SMIM5: variants seen among roughly 807,000 people sequenced by gnomAD.
SMIM5 encodes chromosome 17 open reading frame 109.
SMIM5 carries 4 observed loss-of-function variants against 4.0 expected under a neutral mutation model. The ratio of observed to expected loss-of-function variants is 1.01; its 90% CI spans 0.50 to 2.30. The LOEUF is 2.30. Among genes scored for constraint, SMIM5 ranks in the 30% most tolerant of loss-of-function variants. SMIM5 has a pLI of 0.02. For missense variants in SMIM5, 107 were observed against 99.2 expected, an observed-to-expected ratio of 1.08 and a Z score of -0.34; for synonymous variants, 46 against 43.6, an observed-to-expected ratio of 1.05 and a Z score of -0.22.
chr17:75,633,447 G>GAA lies in SMIM5; in HGVS notation c.-791_-790dup. On this transcript the variant is annotated 5_prime_UTR_variant, in exon 1 of 3. Coordinates refer to ENST00000375215, the MANE Select transcript of SMIM5 (RefSeq NM_001162995.3). ...CAGGAGTGCGGTCACAGCCCCAGCAGAAGGCCCTCACCTCACAAGGAACAT... is the reference window on the plus strand; with the variant it reads ...CAGGAGTGCGGTCACAGCCCCAGCAGAAAAGGCCCTCACCTCACAAGGAACAT... 1 of 1,289,078 alleles carries GAA rather than the reference G, an allele frequency of 7.8e-7. No homozygotes were observed. The highest frequency in any genetic ancestry group is 1.0e-6 in the Non-Finnish European group (1 of 988,572). 79.9% of individuals were successfully genotyped at this position (1,289,078 alleles called of 1,614,324 possible).
In SMIM5 at chr17:75,640,022, A is replaced by G; in HGVS notation, c.-36-144A>G. On this transcript the variant is annotated intron_variant, in intron 1 of 2. Transcript: ENST00000375215. This position sits in a 1 kb window ranked among gnomAD's most constrained non-coding sequence, Gnocchi z 4.6. Reference sequence around the variant, plus strand: ...TGGGTGGGGACTGAGGGCCACCACTAGGTGGAAGTCACCAGGGGTGCAATG... The same window carrying G: ...TGGGTGGGGACTGAGGGCCACCACTGGGTGGAAGTCACCAGGGGTGCAATG... The G allele has an allele frequency of 1.2e-6, 1 of 810,618 alleles. No homozygotes were observed. The highest frequency in any genetic ancestry group is 1.8e-6 in the Non-Finnish European group (1 of 542,124). The allele number at this position is 810,618 out of a possible 1,614,324, so 50.2% of individuals were successfully genotyped here.
rs1256127063 is a variant in SMIM5, at chr17:75,636,020, C to T, written c.-37+1818C>T. ...ATCCCTCCGGCTCTGCCAGCCTTCT[C>T]TGCCCTGAGTGTTTCCCCTGTGCTG... On this transcript the variant is annotated intron_variant, in intron 1 of 2. Coordinates refer to ENST00000375215, the MANE Select transcript of SMIM5 (RefSeq NM_001162995.3). The surrounding 1 kb of genome is among the most constrained non-coding windows in gnomAD (Gnocchi z 5.4). 1.3e-5 allele frequency among the ~76,000 whole-genome samples: 2 copies of T among 152,254 alleles called. No homozygotes were observed. The highest frequency in any genetic ancestry group is 2.9e-5 in the Non-Finnish European group (2 of 68,038).
chr17:75,639,987 CTG>C (rs2059403401), intron 1 of SMIM5, 177 bp from the exon 2 acceptor site: 1 of 597,930 alleles, frequency 1.7e-6, no homozygotes, highest in African/African-American at 1.9e-5. Flanking sequence ...CCACCCTGAG[CTG>C]TGTCAGCTGG....
Position 75,640,791 on chromosome 17 carries a change from C to A in SMIM5, c.128C>A (p.Ala43Asp), listed in dbSNP as rs1012899518. Reference protein sequence around the residue: ...VAFSVIILFTATVLLLLLIAC... With the variant: ...VAFSVIILFTDTVLLLLLIAC... ...CCCGTGCTCTCTCCCGGCCCTCCAG[C>A]TACTGTTCTGCTGTTGCTGCTGATA... Residue 43 changes from alanine to aspartate, a missense_variant and splice_region_variant, in exon 3 of 3, where the codon GCT becomes GAT. Physicochemically the swap from Ala to Asp is moderately radical, Grantham distance 126. Transcript: ENST00000375215. This position sits in a 1 kb window ranked among gnomAD's most constrained non-coding sequence, Gnocchi z 4.6. 16 of 1,549,950 alleles carry A rather than the reference C, an allele frequency of 1.0e-5. No individual in the cohort carries two copies. The highest frequency in any genetic ancestry group is 2.0e-5 in the Admixed American group (1 of 50,984).
chr17:75,637,123 T>G (rs1368883838), intron 1 of SMIM5: 1 of 152,316 alleles, frequency 6.6e-6, no homozygotes, highest in Non-Finnish European at 1.5e-5. Context: ...CCTGCACCAG[T>G]AAATTCAGCC....
Position 75,640,931 on chromosome 17 carries a change from G to A in SMIM5, c.*34G>A. 1 of 1,537,076 alleles carries A rather than the reference G, an allele frequency of 6.5e-7. No individual in the cohort carries two copies. Among genetic ancestry groups the A allele is most frequent in the Non-Finnish European group, 8.7e-7 (1 of 1,145,410 alleles). ...CGATGGCTGAGGAGAAGCTGGAGAG[G>A]AGATGGCCAATGCCATGACACAGGC... On this transcript the variant is annotated 3_prime_UTR_variant, in exon 3 of 3. Coordinates refer to ENST00000375215, the MANE Select transcript of SMIM5 (RefSeq NM_001162995.3). This position sits in a 1 kb window ranked among gnomAD's most constrained non-coding sequence, Gnocchi z 4.6.
At position 75,640,040 on chromosome 17, in the gene SMIM5, G is replaced by A. The variant is rs1210593388; in HGVS notation, c.-36-126G>A. The A allele has an allele frequency of 8.0e-6, 8 of 1,003,936 alleles. No homozygotes were observed. The highest frequency in any genetic ancestry group is 3.3e-5 in the African/African-American group (2 of 60,788). 62.2% of individuals were successfully genotyped at this position (1,003,936 alleles called of 1,614,324 possible). ...CACCACTAGGTGGAAGTCACCAGGGGTGCAATGTGTGAGACCTGACAAACT... is the reference window on the plus strand; with the variant it reads ...CACCACTAGGTGGAAGTCACCAGGGATGCAATGTGTGAGACCTGACAAACT... On this transcript the variant is annotated intron_variant, in intron 1 of 2. Coordinates refer to ENST00000375215, the MANE Select transcript of SMIM5 (RefSeq NM_001162995.3). The surrounding 1 kb of genome is among the most constrained non-coding windows in gnomAD (Gnocchi z 4.6).
Position 75,640,401 on chromosome 17 carries a change from AG to A in SMIM5, c.127+76del. 6.9e-7 allele frequency: 1 copy of A among 1,455,642 alleles called. No homozygotes were observed. Among genetic ancestry groups the A allele is most frequent in the Non-Finnish European group, 9.1e-7 (1 of 1,099,682 alleles). The allele number at this position is 1,455,642 out of a possible 1,614,324, so 90.2% of individuals were successfully genotyped here. On this transcript the variant is annotated intron_variant, in intron 2 of 2. Transcript: ENST00000375215. This position sits in a 1 kb window ranked among gnomAD's most constrained non-coding sequence, Gnocchi z 4.6. ...GAGACCACACCATGGTGCCAGCCAG[AG>A]GGCTGGCAGAGGTGGCGGGTGTCTG... is the stretch of plus-strand genomic sequence containing the variant.
intron 1 of SMIM5, chr17:75,635,701 C>A (rs1225385084): frequency 1.3e-6 from 1 of 791,554 alleles, no homozygotes. Flanking sequence ...AGGTGGACCT[C>A]AAACGAGATA....
In SMIM5 at chr17:75,641,088, C is replaced by T. The variant is rs1432561730; in HGVS notation, c.*191C>T. On this transcript the variant is annotated 3_prime_UTR_variant, in exon 3 of 3. Transcript: ENST00000375215. ...AAACAAGGGCTGGTATAGGTGCAAA[C>T]CTCTCATCTGCCAGTGGACACTGGG... 1 of 1,023,776 alleles carries T rather than the reference C, an allele frequency of 9.8e-7. No individual in the cohort carries two copies. Among genetic ancestry groups the T allele is most frequent in the African/African-American group, 1.6e-5 (1 of 62,060 alleles). 63.4% of individuals were successfully genotyped at this position (1,023,776 alleles called of 1,614,324 possible). A position where few individuals can be genotyped will look rare whatever the true frequency, so the allele number is the denominator to read the frequency against.
chr17:75,635,910 C>G (rs2059313101), intron 1 of SMIM5: 1 of 969,088 alleles, frequency 1.0e-6, no homozygotes. Context: ...GCTTCGGGAC[C>G]AAGTGGCAGC....
intron 1 of SMIM5, chr17:75,635,960 T>C (rs2059314326): frequency 3.3e-6 from 2 of 604,728 alleles, no homozygotes; most frequent in South Asian, 1.5e-4. Flanking sequence ...CAAGGCTCCG[T>C]GTGCCAGGAG....
Position 75,641,034 on chromosome 17 carries a change from G to A in SMIM5, c.*137G>A. ...CAGCTCTGGCCCAGCCCAGGTACCT[G>A]GACACTGACAACTTGAGCCCTACCA... On this transcript the variant is annotated 3_prime_UTR_variant, in exon 3 of 3. Coordinates refer to ENST00000375215, the MANE Select transcript of SMIM5 (RefSeq NM_001162995.3). 1 of 1,418,812 alleles carries A rather than the reference G, an allele frequency of 7.0e-7. No homozygotes were observed. The highest frequency in any genetic ancestry group is 9.3e-7 in the Non-Finnish European group (1 of 1,072,886). The allele number at this position is 1,418,812 out of a possible 1,614,324, so 87.9% of individuals were successfully genotyped here.
chr17:75,636,220 A>G lies in SMIM5; in HGVS notation c.-37+2018A>G, dbSNP rs565199562. Among the ~76,000 whole-genome samples the G allele has an allele frequency of 3.1e-3, 469 of 152,174 alleles. 2 individuals carry two copies. Among genetic ancestry groups the G allele is most frequent in the Non-Finnish European group, 5.2e-3 (355 of 67,992 alleles). On this transcript the variant is annotated intron_variant, in intron 1 of 2. Transcript: ENST00000375215. The surrounding 1 kb of genome is among the most constrained non-coding windows in gnomAD (Gnocchi z 5.4). ...CCCCTGAGGACCCTGAGAAGCCTCC[A>G]ACCAAGGCACTACTGAGCGTGGGGT... is the stretch of plus-strand genomic sequence containing the variant.
At chr17:75,635,043 C>T (rs987197047) in intron 1 of SMIM5, among the ~76,000 whole-genome samples, 7 of 152,192 alleles carry the variant, frequency 4.6e-5, no homozygotes, top group Non-Finnish European at 8.8e-5. Context: ...CTCCTCCTGC[C>T]GCCCTGTCCT....
intron 1 of SMIM5, chr17:75,635,834 C>G: frequency 1.0e-6 from 1 of 985,492 alleles, no homozygotes; most frequent in Non-Finnish European, 1.2e-6. Context: ...ACGCCGCCTG[C>G]TGCCAGCCCT....
intron 1 of SMIM5, chr17:75,637,638 G>A (rs1238497859): frequency 6.6e-6 from 1 of 152,322 alleles, no homozygotes; most frequent in Admixed American, 6.5e-5. Context: ...AAGGACTCCA[G>A]GTAGTCTCAA....
chr17:75,637,873 G>A (rs1357140082), intron 1 of SMIM5: 1 of 152,492 alleles, frequency 6.6e-6, no homozygotes, highest in Admixed American at 6.5e-5. Context: ...GAGACAGCGT[G>A]GGGCACCAGT....
chr17:75,639,599 A>G (rs73366192), intron 1 of SMIM5: 11,732 of 152,368 alleles, frequency 0.077, 1,445 homozygotes, highest in African/African-American at 0.26. Flanking sequence ...CTGGAGGGAC[A>G]CGGTGCGGCC....
Sources: allele counts gnomAD v4.1 joint callset (sites outside exome capture counted in the v4.1 genomes callset), GRCh38; gene constraint gnomAD v4.1.1; non-coding constraint Gnocchi (gnomAD v3.1); transcripts MANE v1.5; gene names NCBI Gene and HGNC (gene_info 2026-07-23, HGNC 2026-07-21).